RIOK1: variants seen among roughly 807,000 people sequenced by gnomAD.
RIOK1 encodes the protein RIO kinase 1, also known as serine/threonine-protein kinase RIO1.
In RIOK1, 66 loss-of-function variants were observed where a neutral mutation model predicts 73.5. The ratio of observed to expected loss-of-function variants is 0.90; its 90% CI spans 0.74 to 1.10. RIOK1 has a LOEUF of 1.10. Ranked by LOEUF, RIOK1 falls within the 50% of genes least tolerant of loss-of-function variation. The pLI is 0.00. For synonymous variants in RIOK1, 224 were observed against 226.8 expected (o/e 0.99, Z 0.11); for missense variants, 658 against 699.8 (o/e 0.94, Z 0.67).
At chr6:7,411,885 C>T (rs1020901228) in intron 14 of RIOK1, among the ~76,000 whole-genome samples, 3 of 152,100 alleles carry the variant, frequency 2.0e-5, no homozygotes, top group African/African-American at 4.8e-5. Flanking sequence ...AAAAAATTCA[C>T]CCTCAATTTT....
chr6:7,407,851 G>A lies in RIOK1; in HGVS notation c.1203+2496G>A, dbSNP rs147822405. On this transcript the variant is annotated intron_variant, in intron 12 of 16. Transcript: ENST00000379834. Reference sequence around the variant, plus strand: ...TTTGTTGAGTTGTTTGTATTTTCTGGATATGTCAGATACGTGATTTGCAAA... The same window carrying A: ...TTTGTTGAGTTGTTTGTATTTTCTGAATATGTCAGATACGTGATTTGCAAA... Among the ~76,000 whole-genome samples, 40 of 152,076 alleles carry A rather than the reference G, an allele frequency of 2.6e-4. No individual in the cohort carries two copies. The East Asian group carries it at 7.6e-3, about 29-fold the overall frequency.
chr6:7,391,656 G>C (rs1380027366), intron 1 of RIOK1, among the ~76,000 whole-genome samples: 2 of 152,196 alleles, frequency 1.3e-5, no homozygotes, highest in Non-Finnish European at 2.9e-5. Flanking sequence ...CTTCTACCCA[G>C]GGGACTTTTG....
chr6:7,414,150 C>T (rs1360247823), intron 15 of RIOK1, 88 bp from the exon 16 acceptor site: 2 of 1,270,828 alleles, frequency 1.6e-6, no homozygotes, highest in African/African-American at 3.0e-5. Context: ...AGCCTAAAAT[C>T]TGAATTCTGG....
intron 12 of RIOK1, among the ~76,000 whole-genome samples, chr6:7,408,924 T>C (rs900465844): frequency 6.6e-6 from 1 of 151,966 alleles, no homozygotes; most frequent in Non-Finnish European, 1.5e-5. Context: ...TTTCTCCATG[T>C]TGGTCAGGCT....
chr6:7,405,346 T>C lies in RIOK1; in HGVS notation c.1194T>C (p.Tyr398=), dbSNP rs141923788. 1.6e-3 allele frequency: 2,544 copies of C among 1,593,072 alleles called. 9 individuals are homozygous for C. The highest frequency in any genetic ancestry group is 1.7e-3 in the Middle Eastern group (10 of 6,028). The change falls in exon 12 of 17, where the codon TAT becomes TAC. Residue 398 remains tyrosine (Y), a synonymous_variant. Coordinates refer to ENST00000379834, the MANE Select transcript of RIOK1 (RefSeq NM_031480.3). ...PSITHENMDA[Y]LSKAMEIASQ... is the part of the protein sequence containing the mutation. ...TTACACATGAGAACATGGATGCTTA[T>C]CTCTCAAAGGTAAGATGGGGAGAGG...
At chr6:7,416,610 T>C (rs915453920) in intron 16 of RIOK1, among the ~76,000 whole-genome samples, 14 of 144,532 alleles carry the variant, frequency 9.7e-5, no homozygotes, top group Admixed American at 1.5e-4. Flanking sequence ...ATCACGCCAC[T>C]GCATGCCAGC....
intron 4 of RIOK1, among the ~76,000 whole-genome samples, chr6:7,398,121 G>A (rs1043231265): frequency 3.9e-5 from 6 of 152,248 alleles, no homozygotes; most frequent in Admixed American, 6.5e-5. Flanking sequence ...CAGCCTGGGC[G>A]ACAGAGCGAG....
At chr6:7,408,725 CTT>C (rs755581840) in intron 12 of RIOK1, among the ~76,000 whole-genome samples, 23 of 142,040 alleles carry the variant, frequency 1.6e-4, no homozygotes, top group Admixed American at 2.8e-4. Context: ...TTTTCTTTTT[CTT>C]TTTTTTTTTT....
At chr6:7,401,529 C>G (rs1270762337) in intron 6 of RIOK1, among the ~76,000 whole-genome samples, 1 of 151,594 alleles carries the variant, frequency 6.6e-6, no homozygotes, top group Non-Finnish European at 1.5e-5. Context: ...AAAGGGCCAG[C>G]TAATAAATAT....
rs201934956 is a variant in RIOK1, at chr6:7,403,940, G to A, written c.768-1G>A. 8.7e-6 allele frequency: 14 copies of A among 1,607,596 alleles called. No homozygotes were observed. Among genetic ancestry groups the A allele is most frequent in the Admixed American group, 5.0e-5 (3 of 59,898 alleles). ...TCCTTTTATTTGTTATAATATCACA[G>A]GCTAAACACAGCAGAGATACCATGT... is the stretch of plus-strand genomic sequence containing the variant. On this transcript the variant is annotated splice_acceptor_variant, in intron 8 of 16. Coordinates refer to ENST00000379834, the MANE Select transcript of RIOK1 (RefSeq NM_031480.3). LOFTEE classifies it high-confidence loss of function.
At chr6:7,406,084 G>A (rs1761739573) in intron 12 of RIOK1, among the ~76,000 whole-genome samples, 1 of 150,906 alleles carries the variant, frequency 6.6e-6, no homozygotes, top group Non-Finnish European at 1.5e-5. Flanking sequence ...TGCAACCTCT[G>A]CCCCTCAGGG....
intron 12 of RIOK1, among the ~76,000 whole-genome samples, chr6:7,409,705 A>G (rs1323540343): frequency 2.0e-5 from 3 of 149,572 alleles, no homozygotes; most frequent in African/African-American, 7.4e-5. Context: ...TCCTGATCTC[A>G]GGTGATCTGC....
chr6:7,408,703 C>T (rs1426901149), intron 12 of RIOK1, among the ~76,000 whole-genome samples: 1 of 151,718 alleles, frequency 6.6e-6, no homozygotes, highest in African/African-American at 2.4e-5. Context: ...TTTAACTTAG[C>T]ACTGACTTTC....
chr6:7,406,435 C>G (rs578090030), intron 12 of RIOK1, among the ~76,000 whole-genome samples: 2 of 152,324 alleles, frequency 1.3e-5, no homozygotes, highest in East Asian at 3.9e-4. Flanking sequence ...TCACCACTGT[C>G]TATCTCCACA....
At position 7,417,385 on chromosome 6, in the gene RIOK1, C is replaced by T. The variant is rs865953300; in HGVS notation, c.1651C>T (p.Pro551Ser). The T allele has an allele frequency of 1.3e-6, 2 of 1,568,834 alleles. No individual in the cohort carries two copies. Among genetic ancestry groups the T allele is most frequent in the Non-Finnish European group, 1.7e-6 (2 of 1,156,656 alleles). The change falls in exon 17 of 17, where the codon CCT becomes TCT. Residue 551 changes from proline to serine, a missense_variant. Pro to Ser is a moderately conservative substitution (Grantham distance 74). Transcript: ENST00000379834. The stretch of plus-strand genomic sequence containing the variant: ...GAGAGAGAAAAGAAAAAACAAAATT[C>T]CTAAACATGTGAAAAAAAGAAAGGA... ...AQREKRKNKI[P>S]KHVKKRKEKT...
intron 10 of RIOK1, 129 bp from the exon 11 acceptor site, chr6:7,404,789 A>G: frequency 1.1e-6 from 1 of 910,924 alleles, no homozygotes; most frequent in Non-Finnish European, 1.7e-6. Context: ...GTTAGTCAAG[A>G]TTGCCTCATC....
intron 4 of RIOK1, 145 bp downstream of exon 4, chr6:7,396,917 G>GTGTC: frequency 1.9e-6 from 1 of 533,536 alleles, no homozygotes; most frequent in Non-Finnish European, 3.4e-6. Flanking sequence ...GTGTGTGTGT[G>GTGTC]TGTTTTCCTT....
rs1294747321 is a variant in RIOK1 at position 7,395,083 on chromosome 6, G to T, written c.307G>T (p.Ala103Ser). The T allele has an allele frequency of 5.0e-6, 8 of 1,613,928 alleles. No homozygotes were observed. The highest frequency in any genetic ancestry group is 1.6e-4 in the Middle Eastern group (1 of 6,062). The change falls in exon 3 of 17, where the codon GCC becomes TCC. Residue 103 changes from alanine to serine, a missense_variant. Transcript: ENST00000379834. ...TCGACAGACCTCCGACAGCAGTTCA[G>T]CCAAAATGTCTACTCCAGCAGACAA... is the stretch of plus-strand genomic sequence containing the variant. ...ANRQTSDSSSAKMSTPADKVL... is the reference protein window; with the variant it reads ...ANRQTSDSSSSKMSTPADKVL...
intron 6 of RIOK1, 136 bp from the exon 7 acceptor site, chr6:7,402,467 C>G (rs1047451007): frequency 5.1e-6 from 3 of 590,784 alleles, no homozygotes; most frequent in Non-Finnish European, 8.7e-6. Context: ...CATTTTAATT[C>G]ACATATTCAA....
Sources: allele counts gnomAD v4.1 joint callset (sites outside exome capture counted in the v4.1 genomes callset), GRCh38; gene constraint gnomAD v4.1.1; transcripts MANE v1.5; gene names NCBI Gene and HGNC (gene_info 2026-07-23, HGNC 2026-07-21).